Variants in SYNJ1 observed in about 807,000 individuals in gnomAD.
The protein encoded by SYNJ1 is polyphosphatidylinositol phosphatase SYNJ1.
A neutral mutation model predicts 168.2 loss-of-function variants in SYNJ1; 78 were observed. The ratio of observed to expected loss-of-function variants is 0.46; its 90% CI spans 0.39 to 0.56. The LOEUF is 0.56. Ranked by LOEUF, SYNJ1 falls within the 20% of genes least tolerant of loss-of-function variation. The pLI, the probability that SYNJ1 is intolerant of heterozygous loss-of-function variation, is 0.00. For missense variants in SYNJ1, 1,303 were observed against 1,597.6 expected (o/e 0.82, Z 3.14); for synonymous variants, 539 against 548.6 (o/e 0.98, Z 0.24).
chr21:32,662,591 AG>A (rs1265190443), intron 18 of SYNJ1, among the ~76,000 whole-genome samples: 1 of 152,210 alleles, frequency 6.6e-6, no homozygotes, highest in Non-Finnish European at 1.5e-5. Context: ...CAGAAGAAAA[AG>A]GGGTGCCCAA....
At chr21:32,664,837 A>T in intron 18 of SYNJ1, 76 bp downstream of exon 18, 3 of 1,354,444 alleles carry the variant, frequency 2.2e-6, no homozygotes, top group Non-Finnish European at 2.0e-6. Context: ...AGAAAATTTT[A>T]AAACATCTTG....
Position 32,657,791 on chromosome 21 carries a change from T to G in SYNJ1, c.2386A>C (p.Ser796Arg). Residue 796 changes from serine to arginine, a missense_variant, in exon 19 of 33, where the codon AGT becomes CGT. Ser to Arg is a moderately radical substitution (Grantham distance 110). Coordinates refer to ENST00000674351, the MANE Select transcript of SYNJ1 (RefSeq NM_203446.3). ...CAGGCAGGGGTGCGGCACTTTTCAC[T>G]GGTGTCATAGTCGTCAGAAAACAAG... is the stretch of plus-strand genomic sequence containing the variant. ...YDLFSDDYDT[S>R]EKCRTPAWTD... 6.2e-7 allele frequency: 1 copy of G among 1,614,174 alleles called. No individual in the cohort carries two copies. Among genetic ancestry groups the G allele is most frequent in the Admixed American group, 1.7e-5 (1 of 60,024 alleles).
At chr21:32,713,230 GTCAACATGGATGATTTCCCATATA>G (rs1165585330) in intron 2 of SYNJ1, among the ~76,000 whole-genome samples, 21 of 136,784 alleles carry the variant, frequency 1.5e-4, no homozygotes, top group Admixed American at 2.9e-4. Context: ...TTTCCCATAT[GTCAACATGGATGATTTCCCATATA>G]TCAACATGGA....
chr21:32,726,900 C>G lies in SYNJ1; in HGVS notation c.-5G>C, dbSNP rs780767341. 3.1e-6 allele frequency: 5 copies of G among 1,614,074 alleles called. No individual in the cohort carries two copies. In the South Asian group the frequency reaches 5.5e-5, roughly 18 times the overall value. On this transcript the variant is annotated 5_prime_UTR_variant, in exon 2 of 33. Transcript: ENST00000674351. ...GAATCCTTTACTGAACGCCATTCTCCTTTCTTCGGAGGCAGCCCTGCGAAA... is the reference window on the plus strand; with the variant it reads ...GAATCCTTTACTGAACGCCATTCTCGTTTCTTCGGAGGCAGCCCTGCGAAA...
chr21:32,659,663 C>T (rs888793524), intron 18 of SYNJ1, among the ~76,000 whole-genome samples: 8 of 152,262 alleles, frequency 5.3e-5, no homozygotes, highest in South Asian at 2.1e-4. Context: ...CCCTATCACG[C>T]GGACCCCCTT....
rs1351354906 is a variant in SYNJ1 at position 32,672,757 on chromosome 21, CTTAAG to C, written c.1726+578_1726+582del. On this transcript the variant is annotated intron_variant, in intron 14 of 32. Coordinates refer to ENST00000674351, the MANE Select transcript of SYNJ1 (RefSeq NM_203446.3). ...AGTTTTTCAAGGATAAACCAGTGCTCTTAAGTTATTACATAAGTACCAATAAATAT... is the reference window on the plus strand; with the variant it reads ...AGTTTTTCAAGGATAAACCAGTGCTCTTATTACATAAGTACCAATAAATAT... Among the ~76,000 whole-genome samples the C allele has an allele frequency of 6.6e-5, 10 of 152,122 alleles. No homozygotes were observed. In the East Asian group the frequency reaches 7.7e-4, roughly 12 times the overall value.
At chr21:32,726,714 G>T in intron 2 of SYNJ1, 58 bp downstream of exon 2, 1 of 1,597,124 alleles carries the variant, frequency 6.3e-7, no homozygotes, top group Non-Finnish European at 8.5e-7. Context: ...GGTTGCATCT[G>T]AATTGTTTCA....
chr21:32,727,232 G>T (rs964061525), intron 1 of SYNJ1, among the ~76,000 whole-genome samples: 9 of 152,132 alleles, frequency 5.9e-5, no homozygotes, highest in African/African-American at 2.2e-4. Flanking sequence ...AGCGTATTTC[G>T]TCCGGAGCTG....
At chr21:32,697,723 C>T (rs1330331666) in intron 4 of SYNJ1, among the ~76,000 whole-genome samples, 3 of 152,194 alleles carry the variant, frequency 2.0e-5, no homozygotes, top group Non-Finnish European at 4.4e-5. Flanking sequence ...ATTGCTTGAA[C>T]CCAGGAGGTG....
intron 21 of SYNJ1, among the ~76,000 whole-genome samples, chr21:32,655,342 C>T (rs1325492410): frequency 6.6e-6 from 1 of 152,210 alleles, no homozygotes; most frequent in Admixed American, 6.5e-5. Flanking sequence ...GTCATCTGTA[C>T]ACTTGCAGAT....
Position 32,684,135 on chromosome 21 carries a change from T to C in SYNJ1, c.1119-16A>G. ...ACTCTGGCATCTGTAACCAATAAAG[T>C]TAAATATCCAGTTTGGAACAAAAAT... On this transcript the variant is annotated splice_polypyrimidine_tract_variant and intron_variant, in intron 9 of 32. Coordinates refer to ENST00000674351, the MANE Select transcript of SYNJ1 (RefSeq NM_203446.3). 1 of 1,611,306 alleles carries C rather than the reference T, an allele frequency of 6.2e-7. No homozygotes were observed. Among genetic ancestry groups the C allele is most frequent in the Non-Finnish European group, 8.5e-7 (1 of 1,177,838 alleles).
chr21:32,667,149 A>T (rs2040970354), intron 15 of SYNJ1, among the ~76,000 whole-genome samples: 1 of 152,144 alleles, frequency 6.6e-6, no homozygotes. Context: ...TATAGACACA[A>T]TTTTAAAAAA....
At position 32,708,997 on chromosome 21, in the gene SYNJ1, A is replaced by G. The variant is rs113940593; in HGVS notation, c.125-6950T>C. On this transcript the variant is annotated intron_variant, in intron 2 of 32. Transcript: ENST00000674351. The stretch of plus-strand genomic sequence containing the variant: ...TGGAACAATATGTAACAGGTGAGGG[A>G]TAACCAAAACTTGCCATATAAAGAC... Among the ~76,000 whole-genome samples the G allele has an allele frequency of 7.2e-5, 11 of 152,358 alleles. 1 individual carries two copies. Among genetic ancestry groups the G allele is most frequent in the African/African-American group, 2.6e-4 (11 of 41,588 alleles).
intron 13 of SYNJ1, 98 bp from the exon 14 acceptor site, chr21:32,673,629 T>C: frequency 9.4e-7 from 1 of 1,059,272 alleles, no homozygotes; most frequent in Non-Finnish European, 1.3e-6. Context: ...GAAAGCACAA[T>C]TATTATCACA....
chr21:32,638,665 C>G (rs1223642102), intron 31 of SYNJ1, among the ~76,000 whole-genome samples: 1 of 152,010 alleles, frequency 6.6e-6, no homozygotes, highest in Non-Finnish European at 1.5e-5. Context: ...CCACTTCACT[C>G]CAGCCTGGGA....
intron 19 of SYNJ1, 30 bp from the exon 20 acceptor site, chr21:32,657,150 G>C: frequency 6.9e-7 from 1 of 1,439,796 alleles, no homozygotes; most frequent in Non-Finnish European, 9.8e-7. Flanking sequence ...AAACACAAGA[G>C]AAGCTGTATA....
At chr21:32,719,003 T>TA (rs200153251) in intron 2 of SYNJ1, among the ~76,000 whole-genome samples, 21 of 151,676 alleles carry the variant, frequency 1.4e-4, no homozygotes, top group East Asian at 5.8e-4. Context: ...ATAATTACAG[T>TA]AAAAAAAAAT....
Position 32,666,475 on chromosome 21 carries a change from C to G in SYNJ1, c.1910G>C (p.Cys637Ser), listed in dbSNP as rs1471632469. Reference sequence around the variant, plus strand: ...CTGTGGTCTGATAAAAACAAACAAACAGACGCCCACCAACTGTTCAGAAGC... The same window carrying G: ...CTGTGGTCTGATAAAAACAAACAAAGAGACGCCCACCAACTGTTCAGAAGC... ...LLASEQLVGV[C>S]LFVFIRPQHA... is the part of the protein sequence containing the mutation. The change falls in exon 16 of 33, where the codon TGT (cysteine) becomes TCT (serine). Residue 637 changes from cysteine to serine, a missense_variant. Physicochemically the swap from Cys to Ser is moderately radical, Grantham distance 112. Transcript: ENST00000674351. 2 of 1,614,052 alleles carry G rather than the reference C, an allele frequency of 1.2e-6. No individual in the cohort carries two copies. Among genetic ancestry groups the G allele is most frequent in the Admixed American group, 1.7e-5 (1 of 60,016 alleles).
At chr21:32,684,212 C>A (rs2041736751) in intron 9 of SYNJ1, 93 bp from the exon 10 acceptor site, 1 of 1,153,572 alleles carries the variant, frequency 8.7e-7, no homozygotes, top group Non-Finnish European at 1.3e-6. Context: ...TAGCATCCAC[C>A]TTCCCTCTCC....
Sources: gnomAD v4.1 joint callset for allele counts (sites outside exome capture counted in the v4.1 genomes callset) on GRCh38, gnomAD v4.1.1 for gene constraint, MANE v1.5 for transcripts, NCBI Gene and HGNC (gene_info 2026-07-23, HGNC 2026-07-21) for gene names.